The following SPATS2L variants were observed in gnomAD, a reference collection of about 807,000 sequenced individuals.
SPATS2L encodes spermatogenesis associated serine rich 2 like.
In SPATS2L, 30 loss-of-function variants were observed where a neutral mutation model predicts 59.6. The ratio of observed to expected loss-of-function variants is 0.50; its 90% confidence interval spans 0.38 to 0.68. SPATS2L has a LOEUF of 0.68. Ranked by LOEUF, SPATS2L falls within the 30% of genes least tolerant of loss-of-function variation. The probability of loss-of-function intolerance (pLI) is 0.00; values close to 1 mark genes in which losing one functional copy is unlikely to be tolerated. For synonymous variants in SPATS2L, 252 were observed against 263.5 expected (o/e 0.96, Z 0.42); for missense variants, 615 against 700.0 (o/e 0.88, Z 1.37).
chr2:200,390,630 G>T (rs2082142813), intron 3 of SPATS2L: 1 of 152,594 alleles, frequency 6.6e-6, no homozygotes, highest in East Asian at 1.9e-4. Context: ...TGAGCAGGTG[G>T]TCAGTGTGGT....
intron 2 of SPATS2L, among the ~76,000 whole-genome samples, chr2:200,338,674 G>C (rs1038213357): frequency 1.3e-5 from 2 of 152,174 alleles, no homozygotes; most frequent in Non-Finnish European, 2.9e-5. Context: ...TAGTTTTGCT[G>C]CATCTTACCA....
At chr2:200,355,935 G>A (rs1030912124) in intron 2 of SPATS2L, among the ~76,000 whole-genome samples, 1 of 152,126 alleles carries the variant, frequency 6.6e-6, no homozygotes, top group African/African-American at 2.4e-5. Context: ...TAAGATTATC[G>A]TGTGTACCTG....
At chr2:200,326,091 A>T (rs536109415) in intron 1 of SPATS2L, among the ~76,000 whole-genome samples, 1 of 152,362 alleles carries the variant, frequency 6.6e-6, no homozygotes, top group Non-Finnish European at 1.5e-5. Flanking sequence ...GAAAGGGTGT[A>T]GTCTGAGGTT....
At chr2:200,333,473 T>A (rs1336659718) in intron 2 of SPATS2L, among the ~76,000 whole-genome samples, 1 of 151,462 alleles carries the variant, frequency 6.6e-6, no homozygotes, top group East Asian at 1.9e-4. Context: ...GGTACAAGGG[T>A]TTTTTAAAAT....
chr2:200,469,507 A>G (rs578159628), intron 10 of SPATS2L, among the ~76,000 whole-genome samples: 1 of 152,318 alleles, frequency 6.6e-6, no homozygotes, highest in South Asian at 2.1e-4. Flanking sequence ...GTTCCCTGTT[A>G]AAATAGGAAT....
chr2:200,326,750 C>CG (rs1420338359), intron 1 of SPATS2L, among the ~76,000 whole-genome samples: 1 of 151,300 alleles, frequency 6.6e-6, no homozygotes, highest in African/African-American at 2.4e-5. Flanking sequence ...TTTTTCGAGA[C>CG]GGAGTCTTGC....
intron 1 of SPATS2L, among the ~76,000 whole-genome samples, chr2:200,310,843 T>G (rs909308906): frequency 1.3e-5 from 2 of 152,348 alleles, no homozygotes; most frequent in Admixed American, 1.3e-4. Context: ...GTGTCTCTTC[T>G]TTTTTTCTCT....
At chr2:200,395,642 A>G (rs78318430) in intron 3 of SPATS2L, among the ~76,000 whole-genome samples, 3,738 of 152,304 alleles carry the variant, frequency 0.025, 73 homozygotes, top group Middle Eastern at 0.037. Context: ...TGAGCTCTTA[A>G]CGATATAAAC....
intron 2 of SPATS2L, among the ~76,000 whole-genome samples, chr2:200,340,224 G>T (rs1244186263): frequency 6.6e-6 from 1 of 152,152 alleles, no homozygotes; most frequent in Non-Finnish European, 1.5e-5. Context: ...TGCTCGCAGA[G>T]TTTATCTGCC....
rs551452489 is a variant in SPATS2L, at chr2:200,462,121, T to C, written c.847+2294T>C. On this transcript the variant is annotated intron_variant, in intron 9 of 12. Transcript: ENST00000409140. ...TCAAGTATAGCTTACTTCAGTTTCA[T>C]GTCCTAATGATAAAAATGCTAACAA... is the stretch of plus-strand genomic sequence containing the variant. 1.8e-4 allele frequency among the ~76,000 whole-genome samples: 27 copies of C among 152,360 alleles called. 1 individual carries two copies. The South Asian group carries it at 5.6e-3, about 32-fold the overall frequency.
Position 200,412,293 on chromosome 2 carries a change from T to G in SPATS2L, c.40-18T>G, listed in dbSNP as rs1559108596. ...AAGTGTTCACATTTCTATTTCTTTTTTTTTTTTTCCTTTACAGATCTATGC... is the reference window on the plus strand; with the variant it reads ...AAGTGTTCACATTTCTATTTCTTTTGTTTTTTTTCCTTTACAGATCTATGC... On this transcript the variant is annotated intron_variant, in intron 3 of 12. Coordinates refer to ENST00000409140, the MANE Select transcript of SPATS2L (RefSeq NM_001100423.2). The G allele has an allele frequency of 1.5e-6, 2 of 1,369,408 alleles. No homozygotes were observed. Among genetic ancestry groups the G allele is most frequent in the Non-Finnish European group, 2.0e-6 (2 of 999,030 alleles). 84.8% of individuals were successfully genotyped at this position (1,369,408 alleles called of 1,614,324 possible).
rs771168441 is a variant in SPATS2L at position 200,477,785 on chromosome 2, C to G, written c.1431C>G (p.Asn477Lys). Residue 477 changes from asparagine (N) to lysine (K), a missense_variant, in exon 13 of 13, where the codon AAC becomes AAG. By Grantham distance (94) the Asn-to-Lys change is moderately conservative. Around this residue, in one of 3 missense-constraint regions of SPATS2L, gnomAD observed 284 missense variants for 280.1 expected, o/e 1.01. Transcript: ENST00000409140. ...ACGAACACAGAAGACAGCCGCACAACGGCTTCCGGCCCAAAAACAAAGGCG... is the reference window on the plus strand; with the variant it reads ...ACGAACACAGAAGACAGCCGCACAAGGGCTTCCGGCCCAAAAACAAAGGCG... Reference protein sequence around the residue: ...SRHEHRRQPHNGFRPKNKGGA... With the variant: ...SRHEHRRQPHKGFRPKNKGGA... 1 of 1,577,428 alleles carries G rather than the reference C, an allele frequency of 6.3e-7. No individual in the cohort carries two copies. Among genetic ancestry groups the G allele is most frequent in the Non-Finnish European group, 8.6e-7 (1 of 1,161,442 alleles).
intron 2 of SPATS2L, among the ~76,000 whole-genome samples, chr2:200,377,555 A>G (rs2105903110): frequency 6.6e-6 from 1 of 152,330 alleles, no homozygotes; most frequent in East Asian, 1.9e-4. Flanking sequence ...GGTAACATAT[A>G]TAGGACTAAT....
intron 4 of SPATS2L, 97 bp downstream of exon 4, chr2:200,412,516 T>A: frequency 9.5e-6 from 6 of 628,806 alleles, no homozygotes; most frequent in Non-Finnish European, 1.6e-5. Flanking sequence ...CAATTCATTA[T>A]GTGTACTTTA....
At chr2:200,332,772 C>CTGTGTGTGTG (rs144988506) in intron 2 of SPATS2L, among the ~76,000 whole-genome samples, 2,233 of 143,274 alleles carry the variant, frequency 0.016, 45 homozygotes, top group East Asian at 0.071. Flanking sequence ...AGTTAGCTGC[C>CTGTGTGTGTG]TGTGTGTGTG....
At chr2:200,429,208 A>G (rs2083758662) in intron 6 of SPATS2L, among the ~76,000 whole-genome samples, 1 of 152,216 alleles carries the variant, frequency 6.6e-6, no homozygotes, top group Non-Finnish European at 1.5e-5. Flanking sequence ...GTCAGGAGAT[A>G]AGAACCATAC....
Position 200,477,808 on chromosome 2 carries a change from G to A in SPATS2L, c.1454G>A (p.Gly485Asp), listed in dbSNP as rs1384245166. ...PHNGFRPKNK[G>D]GAKNQEASLG... ...AACGGCTTCCGGCCCAAAAACAAAG[G>A]CGGTGCCAAAAATCAAGAGGCTTCC... Residue 485 changes from glycine (G) to aspartate (D), a missense_variant, in exon 13 of 13, where the codon GGC (glycine) becomes GAC (aspartate). By Grantham distance (94) the Gly-to-Asp change is moderately conservative (BLOSUM62 -1). Coordinates refer to ENST00000409140, the MANE Select transcript of SPATS2L (RefSeq NM_001100423.2). 1.3e-6 allele frequency: 2 copies of A among 1,575,242 alleles called. No homozygotes were observed. The highest frequency in any genetic ancestry group is 1.7e-6 in the Non-Finnish European group (2 of 1,160,410).
chr2:200,422,355 G>A (rs1244635968), intron 6 of SPATS2L, among the ~76,000 whole-genome samples: 2 of 151,956 alleles, frequency 1.3e-5, no homozygotes, highest in Non-Finnish European at 2.9e-5. Context: ...TGGGCAACAT[G>A]GCAAAACCCC....
At chr2:200,316,856 A>C (rs2079398214) in intron 1 of SPATS2L, among the ~76,000 whole-genome samples, 1 of 152,160 alleles carries the variant, frequency 6.6e-6, no homozygotes, top group African/African-American at 2.4e-5. Flanking sequence ...TTAGAATTGA[A>C]TAATTTGCCT....
Sources: allele counts gnomAD v4.1 joint callset (sites outside exome capture counted in the v4.1 genomes callset), GRCh38; gene constraint gnomAD v4.1.1; regional missense constraint gnomAD v4.1.1; transcripts MANE v1.5; gene names NCBI Gene and HGNC (gene_info 2026-07-23, HGNC 2026-07-21).